The following TMEM117 variants were observed in gnomAD, a reference collection of about 807,000 sequenced individuals.
The protein encoded by TMEM117 is transmembrane protein 117.
In TMEM117, 27 loss-of-function variants were observed where a neutral mutation model predicts 52.4. That is an observed-to-expected ratio of 0.51 (90% CI 0.38 to 0.71). The LOEUF is 0.71. TMEM117 is among the 30% of genes least tolerant of loss of function. The probability of loss-of-function intolerance (pLI) is 0.00; values close to 1 mark genes in which losing one functional copy is unlikely to be tolerated. For synonymous variants in TMEM117, 215 were observed against 206.3 expected, an observed-to-expected ratio of 1.04 and a Z score of -0.36; for missense variants, 556 against 630.5, an observed-to-expected ratio of 0.88 and a Z score of 1.26.
At chr12:44,255,386 C>T (rs1036685852) in intron 5 of TMEM117, among the ~76,000 whole-genome samples, 15 of 152,080 alleles carry the variant, frequency 9.9e-5, no homozygotes, top group African/African-American at 3.4e-4. Flanking sequence ...AAAAAATGCT[C>T]ATCATCACTG....
At chr12:43,834,087 TG>T (rs1347683878), upstream of TMEM117, among the ~76,000 whole-genome samples, 1 of 152,202 alleles carries the variant, frequency 6.6e-6, no homozygotes, top group African/African-American at 2.4e-5. Context: ...AGTGAGACTC[TG>T]TCTCAAAGAA....
At chr12:44,265,917 T>C (rs1312336931) in intron 5 of TMEM117, among the ~76,000 whole-genome samples, 5 of 152,216 alleles carry the variant, frequency 3.3e-5, no homozygotes, top group Non-Finnish European at 7.3e-5. Flanking sequence ...TTATGGAGCA[T>C]TTATTAATCA....
At chr12:44,309,903 A>T (rs1950952312) in intron 6 of TMEM117, among the ~76,000 whole-genome samples, 2 of 152,168 alleles carry the variant, frequency 1.3e-5, no homozygotes, top group South Asian at 4.1e-4. Flanking sequence ...AGCACATTGC[A>T]GGTGATAGGA....
chr12:44,141,712 C>T (rs1948573900), intron 3 of TMEM117, among the ~76,000 whole-genome samples: 1 of 152,044 alleles, frequency 6.6e-6, no homozygotes. Context: ...ATGTTGAGTT[C>T]ACTGACCAAG....
At chr12:44,069,191 T>C (rs2137976876) in intron 3 of TMEM117, among the ~76,000 whole-genome samples, 1 of 152,362 alleles carries the variant, frequency 6.6e-6, no homozygotes, top group East Asian at 1.9e-4. Flanking sequence ...AAATGTTACA[T>C]TTTTATGGTT....
At chr12:43,965,694 C>T (rs1438080966) in intron 3 of TMEM117, among the ~76,000 whole-genome samples, 2 of 152,152 alleles carry the variant, frequency 1.3e-5, no homozygotes, top group Admixed American at 6.5e-5. Context: ...TACACCACTG[C>T]TTGGACTGAG....
At chr12:43,872,719 C>T (rs527513250) in intron 2 of TMEM117, among the ~76,000 whole-genome samples, 4 of 152,276 alleles carry the variant, frequency 2.6e-5, no homozygotes, top group African/African-American at 9.6e-5. Context: ...TAATAGTGTG[C>T]TTTCCCACTC....
At position 43,975,191 on chromosome 12, in the gene TMEM117, T is replaced by G. The variant is rs539496488; in HGVS notation, c.410+30849T>G. ...ATCTTTGGTTGCATTGTTCCTCTTA[T>G]TAGTCTCAACACCTCATATTTATTA... On this transcript the variant is annotated intron_variant, in intron 3 of 7. Transcript: ENST00000266534. 8.5e-5 allele frequency among the ~76,000 whole-genome samples: 13 copies of G among 152,336 alleles called. 1 individual carries two copies. In the South Asian group the frequency reaches 2.7e-3, roughly 32 times the overall value.
chr12:43,889,944 A>G (rs573976199), intron 2 of TMEM117, among the ~76,000 whole-genome samples: 7 of 152,280 alleles, frequency 4.6e-5, no homozygotes, highest in African/African-American at 1.2e-4. Context: ...CAGGGTCCCT[A>G]TGAGCACCAC....
intron 6 of TMEM117, among the ~76,000 whole-genome samples, chr12:44,334,752 G>C (rs1951318276): frequency 6.6e-6 from 1 of 151,960 alleles, no homozygotes; most frequent in African/African-American, 2.4e-5. Flanking sequence ...GAGTGGAATA[G>C]TGGCCACCAC....
intron 3 of TMEM117, among the ~76,000 whole-genome samples, chr12:43,955,563 A>G (rs990429494): frequency 5.9e-5 from 9 of 152,200 alleles, no homozygotes; most frequent in Non-Finnish European, 1.2e-4. Flanking sequence ...TGAATAAAAT[A>G]TCTTGGAATA....
At chr12:43,834,796 A>G (rs1434996958), upstream of TMEM117, among the ~76,000 whole-genome samples, 1 of 152,112 alleles carries the variant, frequency 6.6e-6, no homozygotes, top group African/African-American at 2.4e-5. Context: ...ATATATATCC[A>G]TATATACGTG....
At chr12:44,295,900 A>T (rs1950762995) in intron 5 of TMEM117, among the ~76,000 whole-genome samples, 1 of 151,792 alleles carries the variant, frequency 6.6e-6, no homozygotes, top group Non-Finnish European at 1.5e-5. Context: ...CTAATTCTTT[A>T]TTGTCTGTGT....
chr12:44,276,951 A>C (rs557734835), intron 5 of TMEM117, among the ~76,000 whole-genome samples: 56 of 150,722 alleles, frequency 3.7e-4, no homozygotes, highest in Admixed American at 7.3e-4. Flanking sequence ...CCTGACTAGC[A>C]ATCTTCTAAG....
chr12:44,039,059 A>G (rs1293874990), intron 3 of TMEM117, among the ~76,000 whole-genome samples: 5 of 152,228 alleles, frequency 3.3e-5, no homozygotes, highest in Non-Finnish European at 7.3e-5. Flanking sequence ...TTTGATAAAC[A>G]AAAGTTTGTA....
chr12:43,798,884 A>T, the TMEM117 span, among the ~76,000 whole-genome samples: 1 of 152,124 alleles, frequency 6.6e-6, no homozygotes, highest in Middle Eastern at 3.2e-3. Flanking sequence ...CACATTAAAA[A>T]TAATGATAAA....
chr12:43,993,607 AC>A (rs1565784210), intron 3 of TMEM117, among the ~76,000 whole-genome samples: 1 of 152,170 alleles, frequency 6.6e-6, no homozygotes, highest in African/African-American at 2.4e-5. Context: ...GGTGAAAAAA[AC>A]ATCACTATGT....
chr12:43,938,111 AG>A (rs1385865195), intron 2 of TMEM117, among the ~76,000 whole-genome samples: 1 of 151,396 alleles, frequency 6.6e-6, no homozygotes, highest in African/African-American at 2.4e-5. Context: ...CATCAGGGGG[AG>A]GGTGTGCAGG....
At chr12:44,087,619 C>G (rs1049525676) in intron 3 of TMEM117, among the ~76,000 whole-genome samples, 41 of 152,064 alleles carry the variant, frequency 2.7e-4, no homozygotes, top group African/African-American at 9.2e-4. Flanking sequence ...TGTGTGCCCC[C>G]ACGCCCGACC....
Sources: gnomAD v4.1 joint callset for allele counts (sites outside exome capture counted in the v4.1 genomes callset) on GRCh38, gnomAD v4.1.1 for gene constraint, MANE v1.5 for transcripts, NCBI Gene and HGNC (gene_info 2026-07-23, HGNC 2026-07-21) for gene names.